Variants in STK32B observed in about 807,000 individuals in gnomAD.
The protein encoded by STK32B is serine/threonine kinase 32B.
In STK32B, 43 loss-of-function variants were observed where a neutral mutation model predicts 52.6. That is an observed-to-expected ratio of 0.82 (90% CI 0.64 to 1.05). The LOEUF is 1.05. STK32B is among the 50% of genes least tolerant of loss of function. The probability of loss-of-function intolerance (pLI) is 0.00; values close to 1 mark genes in which losing one functional copy is unlikely to be tolerated. For missense variants in STK32B, 621 were observed against 534.6 expected, an observed-to-expected ratio of 1.16 and a Z score of -1.59; for synonymous variants, 238 against 204.3, an observed-to-expected ratio of 1.17 and a Z score of -1.41.
chr4:5,124,176 C>T (rs1458918770), intron 1 of STK32B, among the ~76,000 whole-genome samples: 2 of 152,148 alleles, frequency 1.3e-5, no homozygotes, highest in Non-Finnish European at 2.9e-5. Flanking sequence ...GTTGAGTTCA[C>T]TCCCTCAAAT....
At chr4:5,388,871 C>A (rs140646319) in intron 4 of STK32B, among the ~76,000 whole-genome samples, 36 of 152,316 alleles carry the variant, frequency 2.4e-4, no homozygotes, top group African/African-American at 7.7e-4. Flanking sequence ...CTGAGATATA[C>A]TTGGGAGTAA....
the STK32B span, among the ~76,000 whole-genome samples, chr4:5,030,794 G>T: frequency 1.6e-4 from 25 of 152,144 alleles, no homozygotes; most frequent in South Asian, 5.0e-3. Context: ...TTCACTGAAG[G>T]CAAGAAGGAA....
intron 3 of STK32B, among the ~76,000 whole-genome samples, chr4:5,303,521 G>A (rs570533721): frequency 6.6e-6 from 1 of 151,892 alleles, no homozygotes; most frequent in South Asian, 2.1e-4. Flanking sequence ...CCCACTTTTT[G>A]GTGGGATTGT....
At chr4:5,296,459 A>G (rs1729204608) in intron 3 of STK32B, among the ~76,000 whole-genome samples, 1 of 152,180 alleles carries the variant, frequency 6.6e-6, no homozygotes, top group African/African-American at 2.4e-5. Flanking sequence ...TATTGGGTGC[A>G]TATATATTTA....
intron 1 of STK32B, 41 bp downstream of exon 1, chr4:5,051,956 TCCC>T: frequency 6.4e-7 from 1 of 1,556,746 alleles, no homozygotes; most frequent in Non-Finnish European, 8.7e-7. Flanking sequence ...TCGCGGGGCA[TCCC>T]CTTCCTCCAC....
chr4:5,239,941 C>T lies in STK32B; in HGVS notation c.260+71491C>T, dbSNP rs543668603. ...CCTCTGTCTGGGACTCTGCATCCTC[C>T]GCAAGGTTAACTCACCTGGCCAATC... On this transcript the variant is annotated intron_variant, in intron 3 of 11. Transcript: ENST00000282908. Among the ~76,000 whole-genome samples, 19 of 152,204 alleles carry T rather than the reference C, an allele frequency of 1.2e-4. No individual in the cohort carries two copies. The South Asian group carries it at 2.3e-3, about 18-fold the overall frequency.
chr4:5,291,817 T>C (rs559697944), intron 3 of STK32B, among the ~76,000 whole-genome samples: 5 of 152,222 alleles, frequency 3.3e-5, no homozygotes, highest in African/African-American at 1.2e-4. Context: ...TGTTTTTTCA[T>C]AGATGCCCTT....
intron 3 of STK32B, among the ~76,000 whole-genome samples, chr4:5,316,933 TATATA>T: frequency 4.9e-5 from 1 of 20,470 alleles, no homozygotes; most frequent in Non-Finnish European, 6.5e-5. Context: ...ATATATAATA[TATATA>T]ATATATAATA....
chr4:5,320,712 C>G (rs1210896672), intron 3 of STK32B, among the ~76,000 whole-genome samples: 1 of 152,152 alleles, frequency 6.6e-6, no homozygotes. Context: ...AAGCCCAAAA[C>G]TAAAACATCA....
At chr4:5,300,295 G>A (rs1357722859) in intron 3 of STK32B, among the ~76,000 whole-genome samples, 1 of 152,092 alleles carries the variant, frequency 6.6e-6, no homozygotes, top group Non-Finnish European at 1.5e-5. Context: ...AATAATAGGA[G>A]CAGTCTATGA....
intron 6 of STK32B, among the ~76,000 whole-genome samples, chr4:5,437,754 C>G (rs1714222763): frequency 6.6e-6 from 1 of 152,212 alleles, no homozygotes; most frequent in African/African-American, 2.4e-5. Context: ...TAGTCCTTAA[C>G]ATGGCACCTG....
At chr4:5,407,965 A>G (rs891376337) in intron 5 of STK32B, among the ~76,000 whole-genome samples, 1 of 152,038 alleles carries the variant, frequency 6.6e-6, no homozygotes, top group Non-Finnish European at 1.5e-5. Flanking sequence ...AAGTTCCCTC[A>G]CCCTTTCCAC....
intron 1 of STK32B, among the ~76,000 whole-genome samples, chr4:5,139,390 G>T (rs991067546): frequency 6.6e-6 from 1 of 152,160 alleles, no homozygotes; most frequent in Non-Finnish European, 1.5e-5. Context: ...CCAATTAGGT[G>T]GTCATTGCAG....
chr4:5,276,356 G>T (rs1280824695), intron 3 of STK32B, among the ~76,000 whole-genome samples: 7 of 152,190 alleles, frequency 4.6e-5, no homozygotes, highest in Admixed American at 2.6e-4. Flanking sequence ...AAATTATCCA[G>T]ACTTGTTAGA....
chr4:5,126,769 T>C (rs1215991442), intron 1 of STK32B, among the ~76,000 whole-genome samples: 6 of 152,116 alleles, frequency 3.9e-5, no homozygotes, highest in Non-Finnish European at 8.8e-5. Flanking sequence ...GCCGCCTATC[T>C]CTCAACAAAT....
chr4:5,398,154 C>T lies in STK32B; in HGVS notation c.435-53C>T. On this transcript the variant is annotated intron_variant, in intron 4 of 11. Transcript: ENST00000282908. The surrounding 1 kb of genome is among the most constrained non-coding windows in gnomAD (Gnocchi z 4.9). Reference sequence around the variant, plus strand: ...TCCTGATGTGGTGCTTGTCTATGTGCTCATCTGTGGGCTCAGGAACCACAT... The same window carrying T: ...TCCTGATGTGGTGCTTGTCTATGTGTTCATCTGTGGGCTCAGGAACCACAT... 1 of 1,606,102 alleles carries T rather than the reference C, an allele frequency of 6.2e-7. No individual in the cohort carries two copies. The highest frequency in any genetic ancestry group is 8.5e-7 in the Non-Finnish European group (1 of 1,174,816).
chr4:5,355,359 C>A (rs1734100802), intron 4 of STK32B, among the ~76,000 whole-genome samples: 1 of 152,146 alleles, frequency 6.6e-6, no homozygotes, highest in South Asian at 2.1e-4. Flanking sequence ...TGGCTCCATG[C>A]ACAGACCCTA....
intron 4 of STK32B, among the ~76,000 whole-genome samples, chr4:5,387,528 G>C (rs149272778): frequency 6.6e-6 from 1 of 152,300 alleles, no homozygotes; most frequent in East Asian, 1.9e-4. Flanking sequence ...ACTGAGAGGT[G>C]ACGGGTGCAG....
chr4:5,054,945 C>T (rs1235513685), intron 1 of STK32B, among the ~76,000 whole-genome samples: 1 of 152,152 alleles, frequency 6.6e-6, no homozygotes, highest in African/African-American at 2.4e-5. Flanking sequence ...GATCATGCCA[C>T]AGATTAATAG....
Sources: gnomAD v4.1 joint callset for allele counts (sites outside exome capture counted in the v4.1 genomes callset) on GRCh38, gnomAD v4.1.1 for gene constraint, Gnocchi (gnomAD v3.1) non-coding constraint, MANE v1.5 for transcripts, NCBI Gene and HGNC (gene_info 2026-07-23, HGNC 2026-07-21) for gene names.